Variants in ATG16L1 observed in about 807,000 individuals in gnomAD.
The protein encoded by ATG16L1 is autophagy-related protein 16-1.
ATG16L1 carries 37 observed loss-of-function variants against 88.5 expected under a neutral mutation model. The observed-to-expected ratio is 0.42, with a 90% CI of 0.32 to 0.55. The LOEUF (loss-of-function observed/expected upper bound fraction) is 0.55. Among genes scored for constraint, ATG16L1 ranks in the 20% least tolerant of loss-of-function variants. The probability of loss-of-function intolerance (pLI) is 0.13; values close to 1 mark genes in which losing one functional copy is unlikely to be tolerated. For missense variants in ATG16L1, 554 were observed against 752.8 expected, an observed-to-expected ratio of 0.74 and a Z score of 3.09; for synonymous variants, 301 against 281.0, an observed-to-expected ratio of 1.07 and a Z score of -0.71.
intron 1 of ATG16L1, among the ~76,000 whole-genome samples, chr2:233,253,633 A>G (rs1445794289): frequency 2.0e-5 from 3 of 152,152 alleles, no homozygotes; most frequent in African/African-American, 7.2e-5. Flanking sequence ...GGCATGAGCC[A>G]CAGTGACCAG....
chr2:233,288,166 C>G (rs1221411634), intron 12 of ATG16L1, among the ~76,000 whole-genome samples: 1 of 152,096 alleles, frequency 6.6e-6, no homozygotes, highest in East Asian at 1.9e-4. Context: ...ACAAGCTTCC[C>G]TCATTGAAGC....
chr2:233,291,939 C>T (rs544841891), intron 14 of ATG16L1, among the ~76,000 whole-genome samples, 189 bp from the exon 15 acceptor site: 62 of 152,312 alleles, frequency 4.1e-4, no homozygotes, highest in African/African-American at 1.4e-3. Context: ...CTGGGAATGA[C>T]TGTCTTAGGG....
chr2:233,263,336 T>C, intron 3 of ATG16L1, 101 bp downstream of exon 3: 2 of 1,036,010 alleles, frequency 1.9e-6, no homozygotes, highest in East Asian at 5.2e-5. Flanking sequence ...GCAGCAGCCT[T>C]AGCCATATGT....
rs200493548 is a variant in ATG16L1, at chr2:233,253,347, T to TG, written c.115+1405_115+1406insG. Among the ~76,000 whole-genome samples, 1,003 of 136,660 alleles carry TG rather than the reference T, an allele frequency of 7.3e-3. 26 individuals are homozygous for TG. Among genetic ancestry groups the TG allele is most frequent in the African/African-American group, 0.025 (916 of 36,546 alleles). The allele number at this position is 136,660 out of a possible 152,430, so 89.7% of individuals were successfully genotyped here. On this transcript the variant is annotated intron_variant, in intron 1 of 17. Transcript: ENST00000392017. ...GTGAGACTGGGTTTTTTTGTTTTTT[T>TG]TTTTTTTTTTTTTTGGAGACAGAGT...
At chr2:233,284,424 C>T (rs1261480455) in intron 12 of ATG16L1, among the ~76,000 whole-genome samples, 6 of 152,050 alleles carry the variant, frequency 3.9e-5, no homozygotes, top group Non-Finnish European at 5.9e-5. Context: ...CTCCACCTGC[C>T]AGGTTCACGC....
chr2:233,258,885 G>T (rs1696999028), intron 2 of ATG16L1, among the ~76,000 whole-genome samples: 1 of 152,052 alleles, frequency 6.6e-6, no homozygotes, highest in Non-Finnish European at 1.5e-5. Context: ...TTTTTGTAGA[G>T]ATAGGGGTCT....
intron 13 of ATG16L1, 61 bp downstream of exon 13, chr2:233,290,035 T>C: frequency 6.3e-7 from 1 of 1,598,350 alleles, no homozygotes; most frequent in East Asian, 2.3e-5. Context: ...GAGGTGTGTG[T>C]TTGCACGTCA....
At chr2:233,279,013 AAAAAAATATT>A (rs1165439664) in intron 10 of ATG16L1, among the ~76,000 whole-genome samples, 1 of 152,124 alleles carries the variant, frequency 6.6e-6, no homozygotes, top group East Asian at 1.9e-4. Context: ...TGCCTCTACA[AAAAAAATATT>A]AAAAAGTAGC....
chr2:233,270,088 C>G (rs772346087), intron 6 of ATG16L1, 21 bp downstream of exon 6: 8 of 1,547,062 alleles, frequency 5.2e-6, no homozygotes, highest in Non-Finnish European at 6.1e-6. Context: ...ATAAATGAAT[C>G]AAAACTGTGT....
Position 233,264,882 on chromosome 2 carries a change from A to T in ATG16L1, c.390-10A>T, listed in dbSNP as rs1697462209. The stretch of plus-strand genomic sequence containing the variant: ...GAGGTACTATTCGTCCTCTGATGTC[A>T]TGCTTCCAGAATTGCAGAATGTTTG... On this transcript the variant is annotated splice_polypyrimidine_tract_variant and intron_variant, in intron 4 of 17. Transcript: ENST00000392017. The T allele has an allele frequency of 6.2e-7, 1 of 1,613,564 alleles. No homozygotes were observed.
rs534913697 is a variant in ATG16L1 at position 233,253,664 on chromosome 2, T to G, written c.115+1722T>G. ...ACCAGCCGGGACTGGAATTTGAACT[T>G]AGGCTTGATGACTAACTTTTGCATT... is the stretch of plus-strand genomic sequence containing the variant. On this transcript the variant is annotated intron_variant, in intron 1 of 17. Transcript: ENST00000392017. Among the ~76,000 whole-genome samples, 5 of 152,230 alleles carry G rather than the reference T, an allele frequency of 3.3e-5. No individual in the cohort carries two copies. In the East Asian group the frequency reaches 7.7e-4, roughly 23 times the overall value.
At chr2:233,281,017 G>A in intron 10 of ATG16L1, 88 bp from the exon 11 acceptor site, 1 of 764,888 alleles carries the variant, frequency 1.3e-6, no homozygotes, top group African/African-American at 1.7e-5. Context: ...CAGTGTAATT[G>A]GCTTCCATTG....
chr2:233,273,886 A>G (rs1698155379), intron 8 of ATG16L1, 109 bp downstream of exon 8: 11 of 1,505,258 alleles, frequency 7.3e-6, no homozygotes, highest in Admixed American at 5.5e-5. Flanking sequence ...GATGCAGAGT[A>G]TACATATGCC....
chr2:233,268,973 T>A (rs1697794082), intron 5 of ATG16L1, among the ~76,000 whole-genome samples: 2 of 152,208 alleles, frequency 1.3e-5, no homozygotes, highest in Non-Finnish European at 2.9e-5. Context: ...CTAGCAGGCA[T>A]AGCCATAGTT....
At chr2:233,269,511 A>T (rs1048127654) in intron 5 of ATG16L1, among the ~76,000 whole-genome samples, 1 of 152,216 alleles carries the variant, frequency 6.6e-6, no homozygotes, top group East Asian at 1.9e-4. Context: ...ACTGAATTTC[A>T]TATTTAGACC....
At chr2:233,290,029 T>G in intron 13 of ATG16L1, 55 bp downstream of exon 13, 1 of 1,599,892 alleles carries the variant, frequency 6.3e-7, no homozygotes, top group South Asian at 1.1e-5. Context: ...AGCGTGGAGG[T>G]GTGTGTTTGC....
At chr2:233,282,066 G>T (rs568017872) in intron 11 of ATG16L1, among the ~76,000 whole-genome samples, 61 of 152,168 alleles carry the variant, frequency 4.0e-4, no homozygotes, top group Non-Finnish European at 7.1e-4. Context: ...GGAAAATGAG[G>T]GTATGTTGTA....
intron 5 of ATG16L1, 85 bp from the exon 6 acceptor site, chr2:233,269,917 G>T: frequency 7.3e-7 from 1 of 1,371,374 alleles, no homozygotes; most frequent in Non-Finnish European, 9.9e-7. Flanking sequence ...TGTGTTATTA[G>T]AACTGGTGGC....
rs1697227458 is a variant in ATG16L1 at position 233,261,690 on chromosome 2, C to G, written c.210-1440C>G. Among the ~76,000 whole-genome samples the G allele has an allele frequency of 2.1e-5, 3 of 143,810 alleles. No individual in the cohort carries two copies. In the South Asian group the frequency reaches 6.8e-4, roughly 32 times the overall value. 94.3% of individuals were successfully genotyped at this position (143,810 alleles called of 152,430 possible). On this transcript the variant is annotated intron_variant, in intron 2 of 17. Transcript: ENST00000392017. ...TTGGATGAGAGGAACAAGTGTCCAG[C>G]CTTGTTCCTTTTCTCCATCTACAAG...
Sources: gnomAD v4.1 joint callset for allele counts (sites outside exome capture counted in the v4.1 genomes callset) on GRCh38, gnomAD v4.1.1 for gene constraint, MANE v1.5 for transcripts, NCBI Gene and HGNC (gene_info 2026-07-23, HGNC 2026-07-21) for gene names.